MROH1: variants seen among roughly 807,000 people sequenced by gnomAD.
The protein encoded by MROH1 is maestro heat-like repeat-containing protein family member 1.
In MROH1, 117 loss-of-function variants were observed where a neutral mutation model predicts 116.5. The observed-to-expected ratio is 1.00, with a 90% CI of 0.86 to 1.17. The LOEUF (loss-of-function observed/expected upper bound fraction) is 1.17, where lower values mean the gene tolerates loss of function less well. Among genes scored for constraint, MROH1 ranks in the 50% most tolerant of loss-of-function variants. The pLI is 0.00. For synonymous variants in MROH1, 921 were observed against 583.9 expected (o/e 1.58, Z -8.32); for missense variants, 1,873 against 1,338.5 (o/e 1.40, Z -6.23).
intron 4 of MROH1, among the ~76,000 whole-genome samples, chr8:144,172,887 C>T (rs571405716): frequency 6.6e-6 from 1 of 152,240 alleles, no homozygotes; most frequent in South Asian, 2.1e-4. Context: ...ACTAACCTGA[C>T]CATCTTGGGT....
chr8:144,256,527 C>T (rs991880489), intron 35 of MROH1, among the ~76,000 whole-genome samples: 1,864 of 152,318 alleles, frequency 0.012, 52 homozygotes, highest in African/African-American at 0.042. Context: ...CGGCTGCCAG[C>T]GCTGCTCTGC....
rs1826029222 is a variant in MROH1 at position 144,182,901 on chromosome 8, AC to A, written c.562+2382del. On this transcript the variant is annotated intron_variant, in intron 7 of 43. Transcript: ENST00000326134. This position sits in a 1 kb window ranked among gnomAD's most constrained non-coding sequence, Gnocchi z 4.1. The stretch of plus-strand genomic sequence containing the variant: ...AGACCAGTCTGGCCAACATGGCAAA[AC>A]CCCGTCTCTACTAAAAATACAAAAA... 6.6e-6 allele frequency among the ~76,000 whole-genome samples: 1 copy of A among 152,086 alleles called. No individual in the cohort carries two copies. The highest frequency in any genetic ancestry group is 1.5e-5 in the Non-Finnish European group (1 of 68,024).
intron 3 of MROH1, 144 bp from the exon 4 acceptor site, chr8:144,168,151 A>G: frequency 1.0e-6 from 1 of 974,944 alleles, no homozygotes; most frequent in Non-Finnish European, 1.5e-6. Context: ...AGGTTATACA[A>G]GAGAGAAAGC....
At chr8:144,192,424 C>G in intron 10 of MROH1, 23 bp downstream of exon 10, 4 of 1,554,702 alleles carry the variant, frequency 2.6e-6, no homozygotes, top group Non-Finnish European at 1.7e-6. Flanking sequence ...CGTCAGGGGG[C>G]GGGTCCAGGT....
At chr8:144,181,798 G>T (rs980154065) in intron 7 of MROH1, among the ~76,000 whole-genome samples, 65 of 152,242 alleles carry the variant, frequency 4.3e-4, no homozygotes, top group Admixed American at 9.1e-4. Flanking sequence ...GAACGGGGCC[G>T]CTGGGGCGCC....
intron 14 of MROH1, among the ~76,000 whole-genome samples, chr8:144,230,476 T>G (rs1838639659): frequency 6.6e-6 from 1 of 151,784 alleles, no homozygotes; most frequent in Non-Finnish European, 1.5e-5. Context: ...TGACATGCCT[T>G]CCTCACTAAG....
chr8:144,167,441 T>G (rs1183242536), intron 3 of MROH1, among the ~76,000 whole-genome samples: 2 of 91,830 alleles, frequency 2.2e-5, no homozygotes, highest in Admixed American at 1.2e-4. Flanking sequence ...TTGGGTGGAG[T>G]GGCCGGTTGT....
Position 144,260,838 on chromosome 8 carries a change from T to C in MROH1, c.4536+6T>C. 1.3e-6 allele frequency: 1 copy of C among 777,632 alleles called. No individual in the cohort carries two copies. Among genetic ancestry groups the C allele is most frequent in the East Asian group, 2.4e-5 (1 of 41,234 alleles). 48.2% of individuals were successfully genotyped at this position (777,632 alleles called of 1,614,324 possible). On this transcript the variant is annotated splice_donor_region_variant and intron_variant, in intron 40 of 43. Coordinates refer to ENST00000326134, the MANE Select transcript of MROH1 (RefSeq NM_032450.3). Reference sequence around the variant, plus strand: ...CTCAGGCCACCGTGGCCAGCGTGAGTAGCCAGGGGGTGAGTGGGATGGGGT... The same window carrying C: ...CTCAGGCCACCGTGGCCAGCGTGAGCAGCCAGGGGGTGAGTGGGATGGGGT...
At chr8:144,249,975 A>G (rs1323212780) in intron 32 of MROH1, among the ~76,000 whole-genome samples, 5 of 151,668 alleles carry the variant, frequency 3.3e-5, no homozygotes, top group African/African-American at 1.2e-4. Context: ...CGCTTCCTCT[A>G]CCTCCCGGGG....
intron 1 of MROH1, among the ~76,000 whole-genome samples, chr8:144,154,665 CT>C (rs1224999167): frequency 0.029 from 3,863 of 133,792 alleles, 75 homozygotes; most frequent in African/African-American, 0.093. Flanking sequence ...AATACTGCAT[CT>C]TTTTTTTTTT....
At position 144,191,822 on chromosome 8, in the gene MROH1, C is replaced by T; in HGVS notation, c.822C>T (p.Tyr274=). Residue 274 remains tyrosine, a synonymous_variant, in exon 9 of 44, where the codon TAC becomes TAT. Coordinates refer to ENST00000326134, the MANE Select transcript of MROH1 (RefSeq NM_032450.3). ...PKLLPGILAL[Y]KKHAETFYLS... is the part of the protein sequence containing the mutation. ...TCCTCCCTGGGATTCTCGCCCTCTACAAGAAGCACGCAGAGACCTTCTACT... is the reference window on the plus strand; with the variant it reads ...TCCTCCCTGGGATTCTCGCCCTCTATAAGAAGCACGCAGAGACCTTCTACT... 2 of 1,613,570 alleles carry T rather than the reference C, an allele frequency of 1.2e-6. No homozygotes were observed. Among genetic ancestry groups the T allele is most frequent in the Middle Eastern group, 1.6e-4 (1 of 6,062 alleles).
chr8:144,261,530 G>T, intron 43 of MROH1, 125 bp from the exon 44 acceptor site: 1 of 688,444 alleles, frequency 1.5e-6, no homozygotes, highest in South Asian at 1.5e-5. Flanking sequence ...ACTAAAAAAG[G>T]AAAAACGATC....
chr8:144,166,217 A>G (rs1435166565), intron 3 of MROH1, among the ~76,000 whole-genome samples: 1 of 152,174 alleles, frequency 6.6e-6, no homozygotes, highest in African/African-American at 2.4e-5. Context: ...CCCATCCATG[A>G]AGGTGCAGCC....
chr8:144,151,802 G>T (rs2130487322), intron 1 of MROH1, among the ~76,000 whole-genome samples: 1 of 152,342 alleles, frequency 6.6e-6, no homozygotes, highest in East Asian at 1.9e-4. Context: ...CTAGAGGTTT[G>T]GGCAGCGGGG....
In MROH1 at chr8:144,241,511, T is replaced by A. The variant is rs1369900656; in HGVS notation, c.2172T>A (p.Ile724=). Residue 724 remains isoleucine (I), a synonymous_variant, in exon 22 of 44, where the codon ATT becomes ATA. Coordinates refer to ENST00000326134, the MANE Select transcript of MROH1 (RefSeq NM_032450.3). ...GAAAATCCATTGGCATTCTCAACAT[T>A]TTTAAGGTTAGGGTGACACCGGTGC... ...VFRKSIGILN[I]FKDRSENEVE... 13 of 778,524 alleles carry A rather than the reference T, an allele frequency of 1.7e-5. No homozygotes were observed. In the East Asian group the frequency reaches 2.9e-4, roughly 17 times the overall value. The allele number at this position is 778,524 out of a possible 1,614,324, so 48.2% of individuals were successfully genotyped here. A position where few individuals can be genotyped will look rare whatever the true frequency, so the allele number is the denominator to read the frequency against.
chr8:144,257,958 C>T (rs907845307), intron 35 of MROH1, among the ~76,000 whole-genome samples: 6 of 152,128 alleles, frequency 3.9e-5, no homozygotes, highest in African/African-American at 9.7e-5. Context: ...TGGGTGGGGA[C>T]GCTGGTGCAG....
In MROH1 at chr8:144,240,656, C is replaced by T. The variant is rs1286272851; in HGVS notation, c.1914C>T (p.Tyr638=). The T allele has an allele frequency of 7.0e-6, 5 of 717,130 alleles. No individual in the cohort carries two copies. The highest frequency in any genetic ancestry group is 1.3e-5 in the Non-Finnish European group (5 of 384,968). The allele number at this position is 717,130 out of a possible 1,614,324, so 44.4% of individuals were successfully genotyped here. The change falls in exon 20 of 44, where the codon TAC becomes TAT. Residue 638 remains tyrosine (Y), a synonymous_variant. Coordinates refer to ENST00000326134, the MANE Select transcript of MROH1 (RefSeq NM_032450.3). ...SLELCRQLPC[Y]DEAPQEKNFL... is the part of the protein sequence containing the mutation. ...AGCTGTGCAGGCAGCTGCCCTGCTA[C>T]GATGAGGCACCCCAGGAGAAGGTGG... is the stretch of plus-strand genomic sequence containing the variant.
intron 32 of MROH1, 131 bp downstream of exon 32, chr8:144,249,160 C>T: frequency 1.5e-6 from 1 of 666,334 alleles, no homozygotes; most frequent in East Asian, 2.7e-5. Context: ...GAGGCTGGCC[C>T]TGGCCTGTCC....
Position 144,255,549 on chromosome 8 carries a change from C to T in MROH1, c.3635C>T (p.Ala1212Val), listed in dbSNP as rs782645057. Residue 1212 changes from alanine to valine, a missense_variant, in exon 35 of 44, where the codon GCG (alanine) becomes GTG (valine). Ala to Val is a moderately conservative substitution (Grantham distance 64). Coordinates refer to ENST00000326134, the MANE Select transcript of MROH1 (RefSeq NM_032450.3). The stretch of plus-strand genomic sequence containing the variant: ...TTTGAGGTCATGTCCACGCCTGCAG[C>T]GGGGCCCGCGGTGCTCGAGCTCTAC... The part of the protein sequence containing the change: ...ALFEVMSTPA[A>V]GPAVLELYPQ... 653 of 779,312 alleles carry T rather than the reference C, an allele frequency of 8.4e-4. No homozygotes were observed. Among genetic ancestry groups the T allele is most frequent in the Middle Eastern group, 3.3e-3 (13 of 3,898 alleles). 48.3% of individuals were successfully genotyped at this position (779,312 alleles called of 1,614,324 possible). A position where few individuals can be genotyped will look rare whatever the true frequency, so the allele number is the denominator to read the frequency against.
Sources: gnomAD v4.1 joint callset for allele counts (sites outside exome capture counted in the v4.1 genomes callset) on GRCh38, gnomAD v4.1.1 for gene constraint, Gnocchi (gnomAD v3.1) non-coding constraint, MANE v1.5 for transcripts, NCBI Gene and HGNC (gene_info 2026-07-23, HGNC 2026-07-21) for gene names.